Variants in MZT1 observed in about 807,000 individuals in gnomAD.
MZT1 encodes the protein mitotic-spindle organizing protein 1.
A neutral mutation model predicts 8.5 loss-of-function variants in MZT1; 8 were observed. The observed-to-expected ratio is 0.94, with a 90% CI of 0.55 to 1.70. The LOEUF (loss-of-function observed/expected upper bound fraction) is 1.70. Among genes scored for constraint, MZT1 ranks in the 40% most tolerant of loss-of-function variants. The pLI is 0.00. For missense variants in MZT1, 93 were observed against 108.6 expected (o/e 0.86, Z 0.64); for synonymous variants, 38 against 42.0 (o/e 0.90, Z 0.37).
chr13:72,716,116 A>G (rs1340238747), intron 2 of MZT1, among the ~76,000 whole-genome samples: 2 of 152,012 alleles, frequency 1.3e-5, no homozygotes, highest in African/African-American at 2.4e-5. Context: ...GGGTTTCACT[A>G]TGTTGGCCAG....
chr13:72,716,753 G>C (rs2032538934), intron 2 of MZT1, among the ~76,000 whole-genome samples: 1 of 152,200 alleles, frequency 6.6e-6, no homozygotes. Flanking sequence ...GTCTGTGGAA[G>C]ACAGAATAGG....
intron 2 of MZT1, among the ~76,000 whole-genome samples, chr13:72,711,725 A>G (rs1382096142): frequency 6.6e-6 from 1 of 152,156 alleles, no homozygotes; most frequent in Non-Finnish European, 1.5e-5. Context: ...ATGAGAAAAA[A>G]ATTCATGAGC....
chr13:72,720,614 C>T (rs1026624983), intron 1 of MZT1, among the ~76,000 whole-genome samples: 26 of 152,272 alleles, frequency 1.7e-4, no homozygotes, highest in Admixed American at 1.4e-3. Context: ...TTGAGCCGGG[C>T]GCAGTGGCTC....
At chr13:72,721,345 T>G (rs534149556) in intron 1 of MZT1, among the ~76,000 whole-genome samples, 1 of 152,350 alleles carries the variant, frequency 6.6e-6, no homozygotes, top group East Asian at 1.9e-4. Context: ...ATTACAAAGA[T>G]TTCCATTCTG....
In MZT1 at chr13:72,709,721, T is replaced by G. The variant is rs1427225778; in HGVS notation, c.*601A>C. 6.6e-6 allele frequency: 1 copy of G among 152,138 alleles called. No individual in the cohort carries two copies. Among genetic ancestry groups the G allele is most frequent in the African/African-American group, 2.4e-5 (1 of 41,452 alleles). 9.4% of individuals were successfully genotyped at this position (152,138 alleles called of 1,614,324 possible). On this transcript the variant is annotated 3_prime_UTR_variant, in exon 3 of 3. Transcript: ENST00000377818. ...ACTATTAGCTGCCCAACAAACTGTT[T>G]GAAAAACTAAATATTCTTTGTTCAA...
intron 2 of MZT1, among the ~76,000 whole-genome samples, chr13:72,717,489 G>A (rs937912494): frequency 2.6e-5 from 4 of 151,928 alleles, no homozygotes; most frequent in African/African-American, 7.3e-5. Context: ...ACAGGCATGT[G>A]CCACCACGCC....
At chr13:72,716,617 T>C (rs1050711675) in intron 2 of MZT1, among the ~76,000 whole-genome samples, 5 of 152,214 alleles carry the variant, frequency 3.3e-5, no homozygotes, top group African/African-American at 1.2e-4. Context: ...TTTCCCCCCA[T>C]TGACCGTCTC....
intron 1 of MZT1, among the ~76,000 whole-genome samples, chr13:72,722,515 T>C (rs927277915): frequency 6.6e-6 from 1 of 152,224 alleles, no homozygotes. Flanking sequence ...TGAAAACTCA[T>C]CTTCCATAGA....
chr13:72,727,017 G>T (rs112182841), intron 1 of MZT1, among the ~76,000 whole-genome samples: 189 of 152,344 alleles, frequency 1.2e-3, no homozygotes, highest in African/African-American at 4.3e-3. Context: ...TTGTTCATTC[G>T]CCGGATATTA....
rs2138004411 is a variant in MZT1, at chr13:72,710,360, T to C, written c.226-15A>G. On this transcript the variant is annotated splice_polypyrimidine_tract_variant and intron_variant, in intron 2 of 2. Transcript: ENST00000377818. ...TTTTCAGCAGCCTAGAACAAGAAAGTAAGATTCATTACAATAAAACCATGG... is the reference window on the plus strand; with the variant it reads ...TTTTCAGCAGCCTAGAACAAGAAAGCAAGATTCATTACAATAAAACCATGG... 6.2e-7 allele frequency: 1 copy of C among 1,612,512 alleles called. No homozygotes were observed.
intron 2 of MZT1, among the ~76,000 whole-genome samples, chr13:72,715,585 T>C (rs1385849718): frequency 3.3e-5 from 5 of 152,176 alleles, no homozygotes; most frequent in Non-Finnish European, 4.4e-5. Flanking sequence ...GTAATCTCCA[T>C]TGTAATCTCC....
At chr13:72,722,405 T>TA (rs1289229966) in intron 1 of MZT1, among the ~76,000 whole-genome samples, 2 of 152,204 alleles carry the variant, frequency 1.3e-5, no homozygotes, top group East Asian at 3.8e-4. Context: ...TAGGGCTCAA[T>TA]AAAAAAGAGT....
intron 2 of MZT1, among the ~76,000 whole-genome samples, chr13:72,717,624 G>C (rs1025970302): frequency 7.9e-5 from 12 of 152,140 alleles, no homozygotes; most frequent in Non-Finnish European, 1.2e-4. Flanking sequence ...CAGGCATTAA[G>C]CCACTGTGCC....
intron 1 of MZT1, among the ~76,000 whole-genome samples, chr13:72,721,195 T>C (rs561962522): frequency 1.3e-5 from 2 of 152,330 alleles, no homozygotes; most frequent in East Asian, 3.9e-4. Context: ...TGAGATACCG[T>C]TATCTGGAAA....
intron 1 of MZT1, among the ~76,000 whole-genome samples, chr13:72,723,253 T>C (rs1283120407): frequency 6.6e-6 from 1 of 152,232 alleles, no homozygotes; most frequent in Non-Finnish European, 1.5e-5. Context: ...CATTTGTGGT[T>C]TCTTCTTTAA....
At position 72,708,559 on chromosome 13, in the gene MZT1, T is replaced by C. The variant is rs1005712015; in HGVS notation, c.*1763A>G. Reference sequence around the variant, plus strand: ...CAATATATTTTCCTGCTTTGTTTCATACATAAATAACTTAATCTACAAAGT... The same window carrying C: ...CAATATATTTTCCTGCTTTGTTTCACACATAAATAACTTAATCTACAAAGT... On this transcript the variant is annotated 3_prime_UTR_variant, in exon 3 of 3. Coordinates refer to ENST00000377818, the MANE Select transcript of MZT1 (RefSeq NM_001071775.3). 7 of 152,622 alleles carry C rather than the reference T, an allele frequency of 4.6e-5. No individual in the cohort carries two copies. The highest frequency in any genetic ancestry group is 2.1e-4 in the South Asian group (1 of 4,836). The allele number at this position is 152,622 out of a possible 1,614,324, so 9.5% of individuals were successfully genotyped here.
chr13:72,727,399 A>G (rs2032684748), intron 1 of MZT1, 125 bp downstream of exon 1: 1 of 947,056 alleles, frequency 1.1e-6, no homozygotes, highest in African/African-American at 1.6e-5. Context: ...GGTCCCTACC[A>G]AAGATCTTGG....
chr13:72,724,752 A>ATATGTATATGTGTGTGTG (rs1180726488), intron 1 of MZT1, among the ~76,000 whole-genome samples: 1 of 56,856 alleles, frequency 1.8e-5, no homozygotes, highest in African/African-American at 5.0e-5. Context: ...ACATATATAT[A>ATATGTATATGTGTGTGTG]TGTAAAGTGG....
chr13:72,724,479 A>C (rs1328736552), intron 1 of MZT1, among the ~76,000 whole-genome samples: 1 of 149,722 alleles, frequency 6.7e-6, no homozygotes, highest in Non-Finnish European at 1.5e-5. Context: ...ACTGCCTTGC[A>C]GTGCTAGTCA....
Sources: gnomAD v4.1 joint callset for allele counts (sites outside exome capture counted in the v4.1 genomes callset) on GRCh38, gnomAD v4.1.1 for gene constraint, MANE v1.5 for transcripts, NCBI Gene and HGNC (gene_info 2026-07-23, HGNC 2026-07-21) for gene names.